FRS3: variants seen among roughly 807,000 people sequenced by gnomAD.
FRS3 encodes the protein FGFR substrate 3.
Under a neutral mutation model 41.9 loss-of-function variants are expected in FRS3, and 17 were observed. The observed-to-expected ratio is 0.41, with a 90% CI of 0.28 to 0.61. FRS3 has a LOEUF of 0.61. FRS3 is among the 20% of genes least tolerant of loss of function. The probability of loss-of-function intolerance (pLI) is 0.36; values close to 1 mark genes in which losing one functional copy is unlikely to be tolerated. For synonymous variants in FRS3, 287 were observed against 274.5 expected, an observed-to-expected ratio of 1.05 and a Z score of -0.45; for missense variants, 619 against 672.1, an observed-to-expected ratio of 0.92 and a Z score of 0.87.
chr6:41,771,879 G>T lies in FRS3; in HGVS notation c.501C>A (p.Ser167Arg). 6.4e-7 allele frequency: 1 copy of T among 1,554,222 alleles called. No individual in the cohort carries two copies. The stretch of plus-strand genomic sequence containing the variant: ...CCCCAAGCGAGGGGTGCCGCAGGCT[G>T]CTTGTCGAGAGCCGCCGGGGAGCTG... ...RFSAPRRLST[S>R]SLRHPSLGEE... The change falls in exon 6 of 7, where the codon AGC becomes AGA. Residue 167 changes from serine (S) to arginine (R), a missense_variant. By Grantham distance (110) the Ser-to-Arg change is moderately radical. Transcript: ENST00000373018.
Position 41,771,947 on chromosome 6 carries a change from A to G in FRS3, c.433T>C (p.Ser145Pro). The G allele has an allele frequency of 6.4e-7, 1 of 1,563,560 alleles. No individual in the cohort carries two copies. Among genetic ancestry groups the G allele is most frequent in the Middle Eastern group, 1.7e-4 (1 of 5,998 alleles). ...CCAGGGCAGCCATTGGAAAAGCTGG[A>G]GACAGTGTAGCCTAGAGCTGAGCAC... The part of the protein sequence containing the change: ...QPPNALGYTV[S>P]SFSNGCPGEG... Residue 145 changes from serine (S) to proline (P), a missense_variant, in exon 6 of 7, where the codon TCC becomes CCC. Around this residue, in one of 3 missense-constraint regions of FRS3, gnomAD observed 487 missense variants for 478.3 expected, o/e 1.02. Coordinates refer to ENST00000373018, the MANE Select transcript of FRS3 (RefSeq NM_006653.5).
At chr6:41,775,344 G>T (rs1333005597) in intron 4 of FRS3, 75 bp downstream of exon 4, 2 of 1,210,070 alleles carry the variant, frequency 1.7e-6, no homozygotes, top group East Asian at 2.5e-5. Flanking sequence ...CCTCTTGAGG[G>T]CTAACCTATA....
In FRS3 at chr6:41,774,012, C is replaced by T. The variant is rs942250149; in HGVS notation, c.254-1053G>A. The stretch of plus-strand genomic sequence containing the variant: ...TTGCCCAGGCTGGAGTGCAGTGGTG[C>T]GATCTCAGCTCACTGCAAGCTCCGC... On this transcript the variant is annotated intron_variant, in intron 4 of 6. Coordinates refer to ENST00000373018, the MANE Select transcript of FRS3 (RefSeq NM_006653.5). 2.6e-5 allele frequency among the ~76,000 whole-genome samples: 4 copies of T among 151,966 alleles called. No homozygotes were observed. In the South Asian group the frequency reaches 6.2e-4, roughly 24 times the overall value.
chr6:41,770,901 G>A lies in FRS3; in HGVS notation c.1197C>T (p.Val399=), dbSNP rs1772270494. The change falls in exon 7 of 7, where the codon GTC becomes GTT. Residue 399 remains valine, a synonymous_variant. Transcript: ENST00000373018. ...CCGGCCGGCGGAAATCAAAGTTGAAGACCCTTGGGGAGCCGCGGCGGCGGG... is the reference window on the plus strand; with the variant it reads ...CCGGCCGGCGGAAATCAAAGTTGAAAACCCTTGGGGAGCCGCGGCGGCGGG... The part of the protein sequence containing the change: ...PLTRRRGSPR[V]FNFDFRRPGP... The A allele has an allele frequency of 3.1e-6, 5 of 1,610,976 alleles. No individual in the cohort carries two copies. In the South Asian group the frequency reaches 5.5e-5, roughly 18 times the overall value.
rs781424408 is a variant in FRS3 at position 41,771,303 on chromosome 6, G to A, written c.795C>T (p.Asp265=). 1.9e-6 allele frequency: 3 copies of A among 1,613,444 alleles called. No individual in the cohort carries two copies. The highest frequency in any genetic ancestry group is 1.1e-5 in the South Asian group (1 of 90,994). Residue 265 remains aspartate, a synonymous_variant, in exon 7 of 7, where the codon GAC becomes GAT. Transcript: ENST00000373018. Reference sequence around the variant, plus strand: ...CATTGTTATTATTGTGGTGTGGGGGGTCATGCAGGCTGGGACAGAGGCCCT... The same window carrying A: ...CATTGTTATTATTGTGGTGTGGGGGATCATGCAGGCTGGGACAGAGGCCCT... ...KCQGLCPSLH[D]PPHHNNNNEA...
intron 5 of FRS3, 119 bp downstream of exon 5, chr6:41,772,679 G>C: frequency 2.6e-6 from 3 of 1,133,968 alleles, no homozygotes; most frequent in Non-Finnish European, 3.7e-6. Flanking sequence ...GTCCTGGAAG[G>C]TTGGCTCACC....
chr6:41,775,738 T>G (rs989196821), intron 3 of FRS3, 133 bp from the exon 4 acceptor site: 1 of 699,278 alleles, frequency 1.4e-6, no homozygotes, highest in East Asian at 2.7e-5. Context: ...TATCACAGAC[T>G]CTACTGAATG....
rs543776849 is a variant in FRS3, at chr6:41,777,071, G to T, written c.-23-61C>A. ...TTCAGCTTCAAAAAACCCTGCTCTG[G>T]GGAACTTGGGCAGAAGCACGTCATT... is the stretch of plus-strand genomic sequence containing the variant. On this transcript the variant is annotated intron_variant, in intron 2 of 6. Transcript: ENST00000373018. 1.6e-5 allele frequency: 19 copies of T among 1,208,686 alleles called. No homozygotes were observed. The South Asian group carries it at 2.2e-4, about 14-fold the overall frequency. 74.9% of individuals were successfully genotyped at this position (1,208,686 alleles called of 1,614,324 possible).
chr6:41,776,594 T>C (rs1227117689), intron 3 of FRS3: 1 of 274,778 alleles, frequency 3.6e-6, no homozygotes, highest in Non-Finnish European at 6.9e-6. Flanking sequence ...TTACGTATAT[T>C]AACTCACAAA....
intron 3 of FRS3, 99 bp from the exon 4 acceptor site, chr6:41,775,704 G>A: frequency 1.1e-6 from 1 of 881,290 alleles, no homozygotes; most frequent in African/African-American, 1.7e-5. Flanking sequence ...GACAAGAGGT[G>A]GGGAACCAAA....
At chr6:41,779,372 T>C (rs1581974282) in intron 1 of FRS3, among the ~76,000 whole-genome samples, 1 of 151,934 alleles carries the variant, frequency 6.6e-6, no homozygotes, top group East Asian at 1.9e-4. Flanking sequence ...ATTTTGGATG[T>C]GGGCATTTTG....
At chr6:41,771,722 T>C (rs1772298913) in intron 6 of FRS3, 94 bp downstream of exon 6, 1 of 1,370,870 alleles carries the variant, frequency 7.3e-7, no homozygotes, top group African/African-American at 1.4e-5. Flanking sequence ...TTCTTCCCCT[T>C]CCCGTGATCC....
chr6:41,778,615 T>G (rs1772458722), intron 1 of FRS3, among the ~76,000 whole-genome samples: 1 of 152,160 alleles, frequency 6.6e-6, no homozygotes, highest in Admixed American at 6.5e-5. Flanking sequence ...TCTGGGAGAC[T>G]TAAGTCAACG....
chr6:41,770,387 C>G lies in FRS3; in HGVS notation c.*232G>C. The G allele has an allele frequency of 1.7e-6, 1 of 585,578 alleles. No individual in the cohort carries two copies. Among genetic ancestry groups the G allele is most frequent in the Non-Finnish European group, 3.0e-6 (1 of 329,154 alleles). The allele number at this position is 585,578 out of a possible 1,614,324, so 36.3% of individuals were successfully genotyped here. ...CACAGGAACCCTTCACAGTTGACGT[C>G]TCGGCTCCCTCCTCGCCTGGTCACC... is the stretch of plus-strand genomic sequence containing the variant. On this transcript the variant is annotated 3_prime_UTR_variant, in exon 7 of 7. Coordinates refer to ENST00000373018, the MANE Select transcript of FRS3 (RefSeq NM_006653.5).
In FRS3 at chr6:41,771,209, C is replaced by G. The variant is rs1399520821; in HGVS notation, c.889G>C (p.Gly297Arg). ...TCTGGGCTCAGTCTCCAGCCAGCCC[C>G]TCGCCACAGCCCCCCGGTGACGTTC... ...YENVTGGLWR[G>R]AGWRLSPEEP... is the part of the protein sequence containing the mutation. Residue 297 changes from glycine to arginine, a missense_variant, in exon 7 of 7, where the codon GGG (glycine) becomes CGG (arginine). Coordinates refer to ENST00000373018, the MANE Select transcript of FRS3 (RefSeq NM_006653.5). The G allele has an allele frequency of 1.3e-6, 2 of 1,564,886 alleles. No individual in the cohort carries two copies. The highest frequency in any genetic ancestry group is 1.8e-5 in the Admixed American group (1 of 56,402).
At position 41,770,950 on chromosome 6, in the gene FRS3, TG is replaced by T; in HGVS notation, c.1147del (p.His383ThrfsTer8). On this transcript the variant is annotated frameshift_variant, in exon 7 of 7. Coordinates refer to ENST00000373018, the MANE Select transcript of FRS3 (RefSeq NM_006653.5). LOFTEE classifies it high-confidence loss of function. ...PTSTRAAIRS[H>X]GSFPVPLTRR... ...GGTCAGTGGCACAGGAAAGCTGCCGTGGCTGCGGATGGCGGCCCGGGTGCTG... is the reference window on the plus strand; with the variant it reads ...GGTCAGTGGCACAGGAAAGCTGCCGTGCTGCGGATGGCGGCCCGGGTGCTG... 1 of 1,612,788 alleles carries T rather than the reference TG, an allele frequency of 6.2e-7. No individual in the cohort carries two copies. The highest frequency in any genetic ancestry group is 8.5e-7 in the Non-Finnish European group (1 of 1,179,918).
chr6:41,771,887 A>T lies in FRS3; in HGVS notation c.493T>A (p.Ser165Thr). The T allele has an allele frequency of 6.4e-7, 1 of 1,554,760 alleles. No individual in the cohort carries two copies. The highest frequency in any genetic ancestry group is 8.7e-7 in the Non-Finnish European group (1 of 1,148,730). ...GAGGGGTGCCGCAGGCTGCTTGTCG[A>T]GAGCCGCCGGGGAGCTGAGAATCGT... is the stretch of plus-strand genomic sequence containing the variant. ...GPRFSAPRRL[S>T]TSSLRHPSLG... Residue 165 changes from serine to threonine, a missense_variant, in exon 6 of 7, where the codon TCG (serine) becomes ACG (threonine). Ser to Thr is a moderately conservative substitution (Grantham distance 58). Transcript: ENST00000373018.
At chr6:41,775,717 T>A (rs1772397502) in intron 3 of FRS3, 112 bp from the exon 4 acceptor site, 1 of 782,692 alleles carries the variant, frequency 1.3e-6, no homozygotes, top group Non-Finnish European at 2.2e-6. Context: ...GAACCAAAGG[T>A]CACATCCGAC....
intron 5 of FRS3, among the ~76,000 whole-genome samples, chr6:41,772,486 A>G (rs1266149028): frequency 6.6e-6 from 1 of 152,180 alleles, no homozygotes; most frequent in Non-Finnish European, 1.5e-5. Flanking sequence ...GGGATGACCC[A>G]ATAGACAGAG....
Sources: gnomAD v4.1 joint callset for allele counts (sites outside exome capture counted in the v4.1 genomes callset) on GRCh38, gnomAD v4.1.1 for gene constraint, gnomAD v4.1.1 regional missense constraint, MANE v1.5 for transcripts, NCBI Gene and HGNC (gene_info 2026-07-23, HGNC 2026-07-21) for gene names.